The following CADPS2 variants were observed in gnomAD, a reference collection of about 807,000 sequenced individuals.
CADPS2 encodes the protein calcium dependent secretion activator 2.
Under a neutral mutation model 172.5 loss-of-function variants are expected in CADPS2, and 93 were observed. The observed-to-expected ratio is 0.54, with a 90% CI of 0.46 to 0.64. The LOEUF (loss-of-function observed/expected upper bound fraction) is 0.64. Among genes scored for constraint, CADPS2 ranks in the 30% least tolerant of loss-of-function variants. The probability of loss-of-function intolerance (pLI) is 0.00; values close to 1 mark genes in which losing one functional copy is unlikely to be tolerated. For synonymous variants in CADPS2, 546 were observed against 555.2 expected, an observed-to-expected ratio of 0.98 and a Z score of 0.23; for missense variants, 1,420 against 1,565.9, an observed-to-expected ratio of 0.91 and a Z score of 1.57.
intron 27 of CADPS2, among the ~76,000 whole-genome samples, chr7:122,350,901 C>T (rs536023001): frequency 2.6e-5 from 4 of 151,822 alleles, no homozygotes; most frequent in South Asian, 2.1e-4. Context: ...TGGGAGGCTG[C>T]GGTGAACTAT....
At chr7:122,516,630 T>A (rs961554633) in intron 8 of CADPS2, among the ~76,000 whole-genome samples, 4 of 151,946 alleles carry the variant, frequency 2.6e-5, no homozygotes, top group Admixed American at 6.6e-5. Context: ...AAATCAAAAA[T>A]TAAAAAATAA....
At chr7:122,748,022 C>A (rs146535275) in intron 1 of CADPS2, among the ~76,000 whole-genome samples, 3 of 152,276 alleles carry the variant, frequency 2.0e-5, no homozygotes, top group Non-Finnish European at 4.4e-5. Context: ...ATGCAGATTT[C>A]TTCAACGCAG....
At chr7:122,790,397 TAAAAA>T (rs71531917) in intron 1 of CADPS2, among the ~76,000 whole-genome samples, 2 of 117,062 alleles carry the variant, frequency 1.7e-5, no homozygotes, top group East Asian at 5.1e-4. Flanking sequence ...ACAGCGTTTC[TAAAAA>T]AAAAAAAAAA....
chr7:122,361,848 C>T (rs537031280), intron 25 of CADPS2, among the ~76,000 whole-genome samples: 11 of 151,818 alleles, frequency 7.2e-5, no homozygotes, highest in Admixed American at 1.3e-4. Context: ...CCAAGGTGGG[C>T]GGATCGCCTG....
intron 14 of CADPS2, 55 bp downstream of exon 14, chr7:122,471,320 C>G: frequency 1.6e-6 from 2 of 1,269,584 alleles, no homozygotes; most frequent in Admixed American, 2.6e-5. Flanking sequence ...ACATTTTTCT[C>G]TCTTTTCCAT....
intron 1 of CADPS2, among the ~76,000 whole-genome samples, chr7:122,881,673 G>A (rs1444128577): frequency 6.6e-6 from 1 of 152,104 alleles, no homozygotes; most frequent in Admixed American, 6.6e-5. Context: ...GAAAACTGCA[G>A]GCCAGAAAGA....
At chr7:122,556,774 A>C (rs545903811) in intron 7 of CADPS2, among the ~76,000 whole-genome samples, 12 of 152,166 alleles carry the variant, frequency 7.9e-5, no homozygotes, top group Admixed American at 1.3e-4. Flanking sequence ...GGATACACAA[A>C]GATTAAAGAA....
intron 1 of CADPS2, among the ~76,000 whole-genome samples, chr7:122,792,561 C>T (rs779549261): frequency 2.5e-4 from 38 of 152,120 alleles, no homozygotes; most frequent in Non-Finnish European, 4.9e-4. Flanking sequence ...GCAGCTTGAA[C>T]AGACTAAGAC....
chr7:122,631,291 A>G (rs1456088252), intron 3 of CADPS2, among the ~76,000 whole-genome samples: 1 of 152,216 alleles, frequency 6.6e-6, no homozygotes, highest in Non-Finnish European at 1.5e-5. Flanking sequence ...TAATATCTTA[A>G]AAGGCCACAG....
rs200261263 is a variant in CADPS2, at chr7:122,554,684, T to C, written c.1341A>G (p.Ile447Met). The C allele has an allele frequency of 5.6e-6, 9 of 1,596,220 alleles. No homozygotes were observed. The highest frequency in any genetic ancestry group is 7.7e-6 in the Non-Finnish European group (9 of 1,171,588). Reference protein sequence around the residue: ...ALEDKELGRVILYPTSNSSKS... With the variant: ...ALEDKELGRVMLYPTSNSSKS... ...TGGAGCTATTAGAAGTTGGGTATAATATCACCTGTATGGAAAAAAAAACCC... is the reference window on the plus strand; with the variant it reads ...TGGAGCTATTAGAAGTTGGGTATAACATCACCTGTATGGAAAAAAAAACCC... Residue 447 changes from isoleucine (I) to methionine (M), a missense_variant, in exon 8 of 30, where the codon ATA becomes ATG. Ile to Met is a conservative substitution (Grantham distance 10). Transcript: ENST00000449022.
intron 1 of CADPS2, among the ~76,000 whole-genome samples, chr7:122,879,956 T>G (rs1193095104): frequency 6.7e-6 from 1 of 149,622 alleles, no homozygotes; most frequent in Non-Finnish European, 1.5e-5. Flanking sequence ...ACAAGTCATT[T>G]TAATTAATAA....
intron 20 of CADPS2, among the ~76,000 whole-genome samples, chr7:122,397,216 A>G (rs1239907115): frequency 6.6e-6 from 1 of 152,208 alleles, no homozygotes; most frequent in Non-Finnish European, 1.5e-5. Context: ...ATCCTGCAGA[A>G]TTTAAAGAAA....
At chr7:122,608,725 T>C (rs1587803544) in intron 6 of CADPS2, among the ~76,000 whole-genome samples, 1 of 152,288 alleles carries the variant, frequency 6.6e-6, no homozygotes, top group African/African-American at 2.4e-5. Flanking sequence ...AAAACAGCAC[T>C]ATGGGATGAA....
At chr7:122,335,861 G>C (rs1480142474) in intron 28 of CADPS2, among the ~76,000 whole-genome samples, 1 of 152,192 alleles carries the variant, frequency 6.6e-6, no homozygotes, top group East Asian at 1.9e-4. Context: ...ATATTTAGGA[G>C]GGATTATTCC....
At chr7:122,553,418 A>C (rs1161243604) in intron 8 of CADPS2, among the ~76,000 whole-genome samples, 2 of 152,162 alleles carry the variant, frequency 1.3e-5, no homozygotes, top group African/African-American at 4.8e-5. Context: ...ACATTACTAC[A>C]TTAAAGATGC....
chr7:122,815,876 A>T lies in CADPS2; in HGVS notation c.339+70123T>A, dbSNP rs181093780. 2.0e-5 allele frequency among the ~76,000 whole-genome samples: 3 copies of T among 152,326 alleles called. No individual in the cohort carries two copies. In the East Asian group the frequency reaches 5.8e-4, roughly 29 times the overall value. ...GCTTTCTCGAAGGTTAATTTAAAAAAAAATTAAAAGTTTTATTGATACCTA... is the reference window on the plus strand; with the variant it reads ...GCTTTCTCGAAGGTTAATTTAAAAATAAATTAAAAGTTTTATTGATACCTA... On this transcript the variant is annotated intron_variant, in intron 1 of 29. Transcript: ENST00000449022.
rs576629193 is a variant in CADPS2, at chr7:122,713,866, G to C, written c.453+23089C>G. 7.2e-5 allele frequency among the ~76,000 whole-genome samples: 11 copies of C among 151,962 alleles called. 1 individual carries two copies. Among genetic ancestry groups the C allele is most frequent in the African/African-American group, 2.7e-4 (11 of 41,468 alleles). ...CAGGCCAACTTTAAAAAACAAAAAGGTCTTTTTTGTTCCCTCACATCCACA... is the reference window on the plus strand; with the variant it reads ...CAGGCCAACTTTAAAAAACAAAAAGCTCTTTTTTGTTCCCTCACATCCACA... On this transcript the variant is annotated intron_variant, in intron 2 of 29. Coordinates refer to ENST00000449022, the MANE Select transcript of CADPS2 (RefSeq NM_017954.11).
chr7:122,496,759 G>GT (rs1188871344), intron 9 of CADPS2, among the ~76,000 whole-genome samples: 4 of 152,006 alleles, frequency 2.6e-5, no homozygotes, highest in Non-Finnish European at 5.9e-5. Flanking sequence ...CACATGACTA[G>GT]TTTTTTAATC....
chr7:122,681,457 T>C (rs28642148), intron 2 of CADPS2: 171,698 of 1,514,064 alleles, frequency 0.11, 12,640 homozygotes, highest in African/African-American at 0.33. Context: ...GTGGAGGCCG[T>C]AGCAGTCAGG....
Sources: gnomAD v4.1 joint callset for allele counts (sites outside exome capture counted in the v4.1 genomes callset) on GRCh38, gnomAD v4.1.1 for gene constraint, MANE v1.5 for transcripts, NCBI Gene and HGNC (gene_info 2026-07-23, HGNC 2026-07-21) for gene names.